RALYL: variants seen among roughly 807,000 people sequenced by gnomAD.
RALYL encodes the protein RNA-binding Raly-like protein.
A neutral mutation model predicts 35.1 loss-of-function variants in RALYL; 29 were observed. The observed-to-expected ratio is 0.83, with a 90% confidence interval of 0.61 to 1.13. The LOEUF is 1.13. Among genes scored for constraint, RALYL ranks in the 50% most tolerant of loss-of-function variants. The pLI, the probability that RALYL is intolerant of heterozygous loss-of-function variation, is 0.00. For missense variants in RALYL, 359 were observed against 360.4 expected (o/e 1.00, Z 0.03); for synonymous variants, 120 against 127.6 (o/e 0.94, Z 0.40).
In RALYL at chr8:84,550,517, A is replaced by G. The variant is rs181592726; in HGVS notation, c.256+20940A>G. Among the ~76,000 whole-genome samples the G allele has an allele frequency of 2.9e-3, 445 of 152,064 alleles. 5 individuals are homozygous for G. Among genetic ancestry groups the G allele is most frequent in the African/African-American group, 9.7e-3 (403 of 41,548 alleles). On this transcript the variant is annotated intron_variant, in intron 2 of 8. Transcript: ENST00000521268. ...AGTACCATATTTTTCTTTAACTACT[A>G]ATAATGAAAAGTGAAGCTGAAAAAT...
intron 2 of RALYL, among the ~76,000 whole-genome samples, chr8:84,629,218 T>C (rs532545110): frequency 5.8e-4 from 88 of 152,224 alleles, no homozygotes; most frequent in African/African-American, 2.1e-3. Context: ...GAATGTATGC[T>C]CCAAGAAGGC....
At chr8:84,545,149 G>C (rs560170008) in intron 2 of RALYL, among the ~76,000 whole-genome samples, 11 of 152,044 alleles carry the variant, frequency 7.2e-5, no homozygotes, top group African/African-American at 1.9e-4. Context: ...TATCCATACA[G>C]TTATCCAGCT....
chr8:84,793,530 A>G (rs1821272370), intron 3 of RALYL, among the ~76,000 whole-genome samples: 2 of 152,200 alleles, frequency 1.3e-5, no homozygotes, highest in Non-Finnish European at 2.9e-5. Context: ...ATTATCTCAG[A>G]GAGCATTCCA....
Position 84,674,442 on chromosome 8 carries a change from G to T in RALYL, c.257-100137G>T, listed in dbSNP as rs528780057. Among the ~76,000 whole-genome samples, 232 of 152,240 alleles carry T rather than the reference G, an allele frequency of 1.5e-3. 3 individuals are homozygous for T. The highest frequency in any genetic ancestry group is 2.6e-3 in the Non-Finnish European group (177 of 68,010). On this transcript the variant is annotated intron_variant, in intron 2 of 8. Transcript: ENST00000521268. Reference sequence around the variant, plus strand: ...AGAAATGGTGAGAGAGGGCATCCTTGTCTGGTGCTAGTTTTCAAGGGGAAT... The same window carrying T: ...AGAAATGGTGAGAGAGGGCATCCTTTTCTGGTGCTAGTTTTCAAGGGGAAT...
At chr8:84,236,803 A>G (rs552481477) in intron 1 of RALYL, among the ~76,000 whole-genome samples, 2 of 152,308 alleles carry the variant, frequency 1.3e-5, no homozygotes, top group African/African-American at 4.8e-5. Context: ...AAAGCTGGAA[A>G]CCAAAAGAAA....
intron 3 of RALYL, among the ~76,000 whole-genome samples, chr8:84,798,013 C>T (rs1563626728): frequency 6.6e-6 from 1 of 152,164 alleles, no homozygotes; most frequent in Non-Finnish European, 1.5e-5. Context: ...CCCTTCTGAA[C>T]TTTGCTTCTA....
chr8:84,446,426 G>A (rs2048865929), intron 1 of RALYL, among the ~76,000 whole-genome samples: 1 of 152,002 alleles, frequency 6.6e-6, no homozygotes, highest in African/African-American at 2.4e-5. Flanking sequence ...CATGGATCTA[G>A]CTCTGGAAGG....
At chr8:84,783,116 A>G (rs566562992) in intron 3 of RALYL, among the ~76,000 whole-genome samples, 1 of 82,138 alleles carries the variant, frequency 1.2e-5, no homozygotes, top group African/African-American at 7.5e-5. Flanking sequence ...TTTTCCTTCC[A>G]TATTACTGTA....
At chr8:84,842,153 C>T (rs1471053133) in intron 4 of RALYL, among the ~76,000 whole-genome samples, 4 of 152,062 alleles carry the variant, frequency 2.6e-5, no homozygotes, top group Non-Finnish European at 5.9e-5. Context: ...CACAAAAAAC[C>T]CTTCAAAAAA....
rs762172839 is a variant in RALYL at position 84,345,099 on chromosome 8, CT to C, written c.-24+160690del. 2.7e-3 allele frequency among the ~76,000 whole-genome samples: 363 copies of C among 136,026 alleles called. 1 individual carries two copies. Among genetic ancestry groups the C allele is most frequent in the Admixed American group, 3.2e-3 (44 of 13,548 alleles). The allele number at this position is 136,026 out of a possible 152,430, so 89.2% of individuals were successfully genotyped here. On this transcript the variant is annotated intron_variant, in intron 1 of 8. Transcript: ENST00000521268. The stretch of plus-strand genomic sequence containing the variant: ...CTAGTTTCAGTTTTTCTTTCTTTCT[CT>C]TTTTTTTTTTTTTTAGGAACTTCCA...
At chr8:84,867,138 T>A (rs1039551149) in intron 6 of RALYL, among the ~76,000 whole-genome samples, 3 of 152,162 alleles carry the variant, frequency 2.0e-5, no homozygotes, top group Non-Finnish European at 2.9e-5. Context: ...ATGACCATCT[T>A]CTCCCCATGT....
At chr8:84,293,500 A>C (rs891400612) in intron 1 of RALYL, among the ~76,000 whole-genome samples, 1 of 151,486 alleles carries the variant, frequency 6.6e-6, no homozygotes, top group Admixed American at 6.6e-5. Flanking sequence ...GCCTGATTTC[A>C]CATGGTCATT....
At chr8:84,852,697 GT>G (rs1836127556) in intron 5 of RALYL, among the ~76,000 whole-genome samples, 1 of 152,162 alleles carries the variant, frequency 6.6e-6, no homozygotes, top group Non-Finnish European at 1.5e-5. Flanking sequence ...CCGGAAAGGG[GT>G]CCCAATTCAG....
intron 2 of RALYL, among the ~76,000 whole-genome samples, chr8:84,555,973 C>A (rs1482662029): frequency 1.3e-5 from 2 of 152,144 alleles, no homozygotes; most frequent in African/African-American, 4.8e-5. Flanking sequence ...AGAAAGAACA[C>A]CAGAACTTAA....
rs116680953 is a variant in RALYL, at chr8:84,416,638, T to A, written c.-23-112661T>A. Among the ~76,000 whole-genome samples the A allele has an allele frequency of 4.1e-3, 618 of 152,292 alleles. 6 individuals are homozygous for A. Among genetic ancestry groups the A allele is most frequent in the African/African-American group, 0.014 (583 of 41,554 alleles). On this transcript the variant is annotated intron_variant, in intron 1 of 8. Coordinates refer to ENST00000521268, the MANE Select transcript of RALYL (RefSeq NM_173848.7). ...AAATAATATATTGGATTGTAAGAGTTGTTTTCCTGAAGGTCATCAAAAATT... is the reference window on the plus strand; with the variant it reads ...AAATAATATATTGGATTGTAAGAGTAGTTTTCCTGAAGGTCATCAAAAATT...
chr8:84,462,601 A>ATTT (rs10667055), intron 1 of RALYL, among the ~76,000 whole-genome samples: 9,334 of 136,702 alleles, frequency 0.068, 756 homozygotes, highest in African/African-American at 0.19. Context: ...ATCTAGATTC[A>ATTT]TTTTTTTTTT....
intron 2 of RALYL, among the ~76,000 whole-genome samples, chr8:84,736,307 T>C (rs1188198895): frequency 6.6e-6 from 1 of 152,098 alleles, no homozygotes; most frequent in Non-Finnish European, 1.5e-5. Context: ...AACAATTCTA[T>C]CTATTACGTT....
intron 1 of RALYL, among the ~76,000 whole-genome samples, chr8:84,522,515 C>T (rs1298234606): frequency 1.3e-5 from 2 of 152,060 alleles, no homozygotes; most frequent in South Asian, 2.1e-4. Context: ...TCCCAAAGTG[C>T]TGGGATTACA....
At chr8:84,480,083 C>G (rs2053884861) in intron 1 of RALYL, among the ~76,000 whole-genome samples, 1 of 152,072 alleles carries the variant, frequency 6.6e-6, no homozygotes, top group Admixed American at 6.5e-5. Flanking sequence ...ACGAGTAGAC[C>G]AGTGAGTTCC....
Sources: allele counts gnomAD v4.1 joint callset (sites outside exome capture counted in the v4.1 genomes callset), GRCh38; gene constraint gnomAD v4.1.1; transcripts MANE v1.5; gene names NCBI Gene and HGNC (gene_info 2026-07-23, HGNC 2026-07-21).